Variants in IQSEC1 observed in about 807,000 individuals in gnomAD.
IQSEC1 encodes the protein IQ motif and Sec7 domain ArfGEF 1.
A neutral mutation model predicts 91.0 loss-of-function variants in IQSEC1; 31 were observed. The ratio of observed to expected loss-of-function variants is 0.34; its 90% CI spans 0.26 to 0.46. The LOEUF (loss-of-function observed/expected upper bound fraction) is 0.46. IQSEC1 is among the 20% of genes least tolerant of loss of function. IQSEC1 has a pLI of 1.00. For missense variants in IQSEC1, 1,388 were observed against 1,575.6 expected (o/e 0.88, Z 2.02); for synonymous variants, 699 against 662.6 (o/e 1.05, Z -0.84).
intron 1 of IQSEC1, among the ~76,000 whole-genome samples, chr3:13,021,799 G>A (rs554646309): frequency 3.3e-5 from 5 of 152,192 alleles, no homozygotes; most frequent in Non-Finnish European, 7.3e-5. Context: ...TGCCCCTGGC[G>A]TTCCTTTCCT....
intron 1 of IQSEC1, among the ~76,000 whole-genome samples, chr3:13,243,850 T>C (rs901997320): frequency 3.3e-5 from 5 of 152,226 alleles, no homozygotes; most frequent in African/African-American, 1.2e-4. Context: ...CCTGCTGTTC[T>C]GTTTCTGTAT....
At chr3:12,916,811 C>T (rs192201472) in intron 6 of IQSEC1, among the ~76,000 whole-genome samples, 1 of 152,326 alleles carries the variant, frequency 6.6e-6, no homozygotes, top group African/African-American at 2.4e-5. Context: ...CTACTTACTA[C>T]GCACCTGCCA....
chr3:13,153,892 G>A (rs358355), intron 2 of IQSEC1, among the ~76,000 whole-genome samples: 40,565 of 151,978 alleles, frequency 0.27, 5,750 homozygotes, highest in East Asian at 0.46. Context: ...GAAACCACAC[G>A]TGCAAAGAGA....
intron 1 of IQSEC1, among the ~76,000 whole-genome samples, chr3:13,060,036 C>G (rs952623113): frequency 1.3e-5 from 2 of 152,172 alleles, no homozygotes; most frequent in African/African-American, 2.4e-5. Flanking sequence ...GCAGCGGGAA[C>G]GACTGTGCTG....
chr3:13,239,921 GGGA>G (rs1694993104), intron 1 of IQSEC1, among the ~76,000 whole-genome samples: 1 of 152,232 alleles, frequency 6.6e-6, no homozygotes, highest in Non-Finnish European at 1.5e-5. Context: ...GGTTCAGTTT[GGGA>G]GGAGGAAGGA....
chr3:12,938,113 A>G (rs1698388387), intron 2 of IQSEC1, among the ~76,000 whole-genome samples: 1 of 152,200 alleles, frequency 6.6e-6, no homozygotes, highest in South Asian at 2.1e-4. Flanking sequence ...CTTCTCCGCC[A>G]AGCCAGGCCT....
At chr3:13,111,652 T>G (rs576013959) in intron 2 of IQSEC1, among the ~76,000 whole-genome samples, 13 of 152,244 alleles carry the variant, frequency 8.5e-5, no homozygotes, top group African/African-American at 3.1e-4. Flanking sequence ...GGGAGGTGAT[T>G]ACGCTGAGAT....
intron 1 of IQSEC1, among the ~76,000 whole-genome samples, chr3:12,987,749 A>C (rs1701811046): frequency 6.6e-6 from 1 of 152,228 alleles, no homozygotes; most frequent in Admixed American, 6.5e-5. Flanking sequence ...ATCGTAAAGA[A>C]ATAAAAAGAC....
chr3:13,029,201 A>G (rs932844582), intron 1 of IQSEC1, among the ~76,000 whole-genome samples: 25 of 152,188 alleles, frequency 1.6e-4, no homozygotes, highest in Admixed American at 1.6e-3. Flanking sequence ...CACAACAAGA[A>G]CGGTGATACC....
At chr3:13,131,333 A>AT (rs1361765580) in intron 2 of IQSEC1, among the ~76,000 whole-genome samples, 1 of 150,856 alleles carries the variant, frequency 6.6e-6, no homozygotes, top group East Asian at 1.9e-4. Context: ...ATATTTTCCC[A>AT]TTTTTTTAAA....
In IQSEC1 at chr3:12,899,462, G is replaced by A. The variant is rs368158123; in HGVS notation, c.*1521C>T. 81 of 1,603,650 alleles carry A rather than the reference G, an allele frequency of 5.1e-5. No individual in the cohort carries two copies. The highest frequency in any genetic ancestry group is 6.6e-5 in the Non-Finnish European group (78 of 1,175,828). ...ACAAAGTATGGCCCGTGGGTGACTC[G>A]GGCACAGACCTGCCGCGTGCAGGTC... On this transcript the variant is annotated 3_prime_UTR_variant, in exon 14 of 14. Transcript: ENST00000613206.
intron 2 of IQSEC1, among the ~76,000 whole-genome samples, chr3:13,157,465 G>A (rs1259685516): frequency 1.3e-5 from 2 of 152,300 alleles, no homozygotes; most frequent in Middle Eastern, 3.4e-3. Flanking sequence ...CCATTCAAGG[G>A]TCTCAGGGAC....
intron 2 of IQSEC1, among the ~76,000 whole-genome samples, chr3:13,101,419 C>CAAAAAAAAAA (rs5846799): frequency 8.4e-6 from 1 of 119,496 alleles, no homozygotes; most frequent in Non-Finnish European, 1.8e-5. Context: ...ATTCCATCTC[C>CAAAAAAAAAA]AAAAAAAAAA....
intron 1 of IQSEC1, among the ~76,000 whole-genome samples, chr3:13,051,172 A>G (rs1576216316): frequency 6.6e-6 from 1 of 152,286 alleles, no homozygotes; most frequent in African/African-American, 2.4e-5. Context: ...CCAGTCAGCT[A>G]GGCAGGGCTC....
chr3:13,107,858 C>T (rs1231990442), intron 2 of IQSEC1, among the ~76,000 whole-genome samples: 1 of 152,242 alleles, frequency 6.6e-6, no homozygotes, highest in African/African-American at 2.4e-5. Context: ...CGCCCAGCGG[C>T]CTGCTCCCTC....
chr3:13,120,386 A>G (rs1404725982), intron 2 of IQSEC1, among the ~76,000 whole-genome samples: 1 of 152,166 alleles, frequency 6.6e-6, no homozygotes, highest in African/African-American at 2.4e-5. Flanking sequence ...CTCTCCCAGA[A>G]GGGAGACACG....
intron 12 of IQSEC1, among the ~76,000 whole-genome samples, chr3:12,904,332 G>A (rs1231207910): frequency 2.0e-5 from 3 of 152,210 alleles, no homozygotes; most frequent in African/African-American, 4.8e-5. Flanking sequence ...CTTGTGTGAC[G>A]TGGCCCTCAG....
intron 1 of IQSEC1, among the ~76,000 whole-genome samples, chr3:13,034,733 T>G (rs577577065): frequency 2.0e-5 from 3 of 152,342 alleles, no homozygotes; most frequent in African/African-American, 7.2e-5. Context: ...GAGGACAAGT[T>G]TCTCAAGGCC....
At chr3:13,051,583 C>T (rs1386069105) in intron 1 of IQSEC1, among the ~76,000 whole-genome samples, 2 of 152,166 alleles carry the variant, frequency 1.3e-5, no homozygotes. Context: ...GAATTGTGCA[C>T]TTTTCTGTAC....
Sources: allele counts gnomAD v4.1 joint callset (sites outside exome capture counted in the v4.1 genomes callset), GRCh38; gene constraint gnomAD v4.1.1; transcripts MANE v1.5; gene names NCBI Gene and HGNC (gene_info 2026-07-23, HGNC 2026-07-21).